Variants in BSCL2 observed in about 807,000 individuals in gnomAD.
The protein encoded by BSCL2 is seipin.
Under a neutral mutation model 57.4 loss-of-function variants are expected in BSCL2, and 41 were observed. That is an observed-to-expected ratio of 0.71 (90% confidence interval 0.56 to 0.93). The LOEUF (loss-of-function observed/expected upper bound fraction) is 0.93, where lower values mean the gene tolerates loss of function less well. BSCL2 is among the 40% of genes least tolerant of loss of function. The pLI, the probability that BSCL2 is intolerant of heterozygous loss-of-function variation, is 0.00. For synonymous variants in BSCL2, 237 were observed against 227.3 expected (o/e 1.04, Z -0.38); for missense variants, 539 against 586.7 (o/e 0.92, Z 0.84).
chr11:62,690,716 G>C (rs1296289988), intron 9 of BSCL2, 24 bp from the exon 10 acceptor site: 1 of 1,613,792 alleles, frequency 6.2e-7, no homozygotes, highest in South Asian at 1.1e-5. Context: ...GGGAATGCAG[G>C]GGTCAGACCC....
intron 2 of BSCL2, among the ~76,000 whole-genome samples, chr11:62,704,462 C>G (rs1187670719): frequency 1.3e-5 from 2 of 151,302 alleles, no homozygotes; most frequent in Non-Finnish European, 2.9e-5. Flanking sequence ...AGGAGAATGG[C>G]GTGAGCCCAG....
upstream of BSCL2, chr11:62,708,257 G>A: frequency 3.0e-6 from 4 of 1,344,552 alleles, no homozygotes; most frequent in Non-Finnish European, 4.3e-6. Context: ...GGGGCCTCCA[G>A]CTGAGACTGT....
upstream of BSCL2, chr11:62,708,634 T>C: frequency 6.2e-7 from 1 of 1,609,164 alleles, no homozygotes; most frequent in East Asian, 2.2e-5. Context: ...TGCAGTCCCC[T>C]TCAGAGGTCC....
intron 4 of BSCL2, among the ~76,000 whole-genome samples, chr11:62,694,194 T>A (rs1245635917): frequency 8.9e-6 from 1 of 112,896 alleles, no homozygotes; most frequent in African/African-American, 3.4e-5. Flanking sequence ...ACCCAGACAT[T>A]CTTTTTTTTT....
intron 5 of BSCL2, 45 bp from the exon 6 acceptor site, chr11:62,692,518 C>A: frequency 1.2e-6 from 2 of 1,610,766 alleles, no homozygotes; most frequent in Non-Finnish European, 1.7e-6. Context: ...AGGGTCCTGC[C>A]GCTAGCACTC....
chr11:62,707,240 CT>C lies in BSCL2; in HGVS notation c.-46del, dbSNP rs1328278556. 5.3e-6 allele frequency: 8 copies of C among 1,508,126 alleles called. No homozygotes were observed. In the East Asian group the frequency reaches 2.0e-4, roughly 37 times the overall value. The allele number at this position is 1,508,126 out of a possible 1,614,324, so 93.4% of individuals were successfully genotyped here. Reference sequence around the variant, plus strand: ...TGACTCTGGATCTTCCACTGAGTCACTTGTGGCTAAAACGTGAAGTGGCGAT... The same window carrying C: ...TGACTCTGGATCTTCCACTGAGTCACTGTGGCTAAAACGTGAAGTGGCGAT... On this transcript the variant is annotated 5_prime_UTR_variant, in exon 1 of 11. Transcript: ENST00000360796.
At chr11:62,704,247 G>C (rs552840151) in intron 2 of BSCL2, among the ~76,000 whole-genome samples, 3 of 151,412 alleles carry the variant, frequency 2.0e-5, no homozygotes, top group Admixed American at 2.0e-4. Context: ...AGGAGTTCAA[G>C]ACCAGCCTAG....
At position 62,707,390 on chromosome 11, in the gene BSCL2, G is replaced by A; in HGVS notation, c.-195C>T. ...AGAGTAGAGGGAGGAAAGGAGGAGG[G>A]GGGCGACTGCCCAGCTGATGTCAGA... On this transcript the variant is annotated 5_prime_UTR_variant, in exon 1 of 11. Coordinates refer to ENST00000360796, the MANE Select transcript of BSCL2 (RefSeq NM_001122955.4). The A allele has an allele frequency of 1.4e-6, 1 of 708,844 alleles. No individual in the cohort carries two copies. The allele number at this position is 708,844 out of a possible 1,614,324, so 43.9% of individuals were successfully genotyped here. A position where few individuals can be genotyped will look rare whatever the true frequency, so the allele number is the denominator to read the frequency against.
In BSCL2 at chr11:62,692,466, G is replaced by A. The variant is rs769219167; in HGVS notation, c.773C>T (p.Pro258Leu). Residue 258 changes from proline (P) to leucine (L), a missense_variant, in exon 6 of 11, where the codon CCG becomes CTG. Around this residue, in one of 3 missense-constraint regions of BSCL2, gnomAD observed 73 missense variants for 122.0 expected, o/e 0.60. Coordinates refer to ENST00000360796, the MANE Select transcript of BSCL2 (RefSeq NM_001122955.4). ...GATCTCAATGATCGCTCCAGTGGTC[G>A]GCACGTACTGTGAGGGGGTGGGGTG... ...YADYRENSYVPTTGAIIEIHS... is the reference protein window; with the variant it reads ...YADYRENSYVLTTGAIIEIHS... The A allele has an allele frequency of 1.2e-5, 20 of 1,613,728 alleles. No individual in the cohort carries two copies. Among genetic ancestry groups the A allele is most frequent in the African/African-American group, 5.3e-5 (4 of 74,930 alleles).
chr11:62,706,288 A>G (rs979528077), intron 1 of BSCL2: 5 of 1,117,522 alleles, frequency 4.5e-6, no homozygotes, highest in African/African-American at 3.5e-5. Context: ...GGCAACCGTG[A>G]GACGGGACTT....
intron 3 of BSCL2, among the ~76,000 whole-genome samples, chr11:62,696,278 T>G (rs11231191): frequency 2.5e-3 from 338 of 136,320 alleles, no homozygotes; most frequent in African/African-American, 8.7e-3. Flanking sequence ...CATAAACTTT[T>G]TGTGTGTGTG....
At chr11:62,704,477 C>T (rs544483078) in intron 2 of BSCL2, among the ~76,000 whole-genome samples, 12 of 151,762 alleles carry the variant, frequency 7.9e-5, no homozygotes, top group African/African-American at 2.4e-4. Context: ...GCCCAGGAGG[C>T]GGAGCTTGCA....
At chr11:62,693,972 G>A (rs1368809623) in intron 4 of BSCL2, among the ~76,000 whole-genome samples, 1 of 151,830 alleles carries the variant, frequency 6.6e-6, no homozygotes, top group African/African-American at 2.4e-5. Context: ...GCACCACCAT[G>A]CCCAGCTAAT....
upstream of BSCL2, chr11:62,708,349 G>A: frequency 6.2e-7 from 1 of 1,613,964 alleles, no homozygotes; most frequent in Non-Finnish European, 8.5e-7. Context: ...AAGCACGCAA[G>A]ATGGTGGAAC....
chr11:62,702,355 C>G lies in BSCL2; in HGVS notation c.486+113G>C, dbSNP rs529097665. The G allele has an allele frequency of 5.1e-6, 5 of 982,838 alleles. No homozygotes were observed. The African/African-American group carries it at 8.2e-5, about 16-fold the overall frequency. 60.9% of individuals were successfully genotyped at this position (982,838 alleles called of 1,614,324 possible). On this transcript the variant is annotated intron_variant, in intron 3 of 10. Coordinates refer to ENST00000360796, the MANE Select transcript of BSCL2 (RefSeq NM_001122955.4). ...TACTGGGATTACAGGCGTGAGCCAC[C>G]GTGCCCGGCCAGTCTCTTATTACTC...
At chr11:62,690,730 C>T (rs1343192427) in intron 9 of BSCL2, 38 bp from the exon 10 acceptor site, 1 of 1,613,798 alleles carries the variant, frequency 6.2e-7, no homozygotes, top group South Asian at 1.1e-5. Context: ...CAGACCCAGA[C>T]ACTGAAGGAG....
intron 4 of BSCL2, among the ~76,000 whole-genome samples, chr11:62,693,223 G>A (rs770388901): frequency 6.6e-5 from 10 of 152,146 alleles, no homozygotes; most frequent in Non-Finnish European, 1.2e-4. Context: ...CATTTATTAG[G>A]CCAGGTGCGG....
upstream of BSCL2, chr11:62,708,130 A>T: frequency 1.6e-6 from 1 of 627,092 alleles, no homozygotes; most frequent in South Asian, 1.8e-5. Flanking sequence ...ATTTTTTTCC[A>T]TGAGGAATAC....
At position 62,694,652 on chromosome 11, in the gene BSCL2, A is replaced by G. The variant is rs753309219; in HGVS notation, c.546T>C (p.Pro182=). Residue 182 remains proline (P), a synonymous_variant, in exon 4 of 11, where the codon CCT becomes CCC. Transcript: ENST00000360796. ...VTLELELPES[P]VNQDLGMFLV... is the part of the protein sequence containing the mutation. ...AGAACATGCCCAAATCTTGATTCAC[A>G]GGGGACTCTGGCAGCTCAAGCTCTA... is the stretch of plus-strand genomic sequence containing the variant. 7.4e-6 allele frequency: 12 copies of G among 1,614,180 alleles called. No homozygotes were observed. Among genetic ancestry groups the G allele is most frequent in the Non-Finnish European group, 1.0e-5 (12 of 1,180,024 alleles).
Sources: gnomAD v4.1 joint callset for allele counts (sites outside exome capture counted in the v4.1 genomes callset) on GRCh38, gnomAD v4.1.1 for gene constraint, gnomAD v4.1.1 regional missense constraint, MANE v1.5 for transcripts, NCBI Gene and HGNC (gene_info 2026-07-23, HGNC 2026-07-21) for gene names.